The following EFNA5 variants were observed in gnomAD, a reference collection of about 807,000 sequenced individuals.
The protein encoded by EFNA5 is ephrin-A5.
EFNA5 carries 5 observed loss-of-function variants against 22.9 expected under a neutral mutation model. The ratio of observed to expected loss-of-function variants is 0.22; its 90% CI spans 0.11 to 0.46. The LOEUF is 0.46. EFNA5 is among the 20% of genes least tolerant of loss of function. The probability of loss-of-function intolerance (pLI) is 0.99; values close to 1 mark genes in which losing one functional copy is unlikely to be tolerated. For missense variants in EFNA5, 237 were observed against 293.3 expected, an observed-to-expected ratio of 0.81 and a Z score of 1.40; for synonymous variants, 113 against 112.2, an observed-to-expected ratio of 1.01 and a Z score of -0.04.
At chr5:107,530,060 G>A (rs1035073538) in intron 1 of EFNA5, among the ~76,000 whole-genome samples, 2 of 152,160 alleles carry the variant, frequency 1.3e-5, no homozygotes, top group Admixed American at 6.5e-5. Context: ...CTCTAGCTTC[G>A]TTAAGCTAGT....
chr5:107,433,745 A>T (rs576810198), intron 1 of EFNA5, among the ~76,000 whole-genome samples: 9 of 152,090 alleles, frequency 5.9e-5, no homozygotes, highest in South Asian at 4.1e-4. Context: ...ACATTTTTTT[A>T]AAAAAATTAG....
At chr5:107,454,316 C>A (rs1183876592) in intron 1 of EFNA5, among the ~76,000 whole-genome samples, 1 of 152,002 alleles carries the variant, frequency 6.6e-6, no homozygotes, top group Non-Finnish European at 1.5e-5. Flanking sequence ...AAAGCTTTTG[C>A]TACTATTTCA....
intron 2 of EFNA5, among the ~76,000 whole-genome samples, chr5:107,389,553 T>A (rs899944366): frequency 2.6e-5 from 4 of 152,228 alleles, no homozygotes; most frequent in Non-Finnish European, 2.9e-5. Context: ...ACTTTACAGA[T>A]GATACTGCTA....
intron 1 of EFNA5, among the ~76,000 whole-genome samples, chr5:107,591,975 TA>T (rs1732090343): frequency 9.3e-5 from 3 of 32,262 alleles, no homozygotes; most frequent in African/African-American, 5.2e-4. Flanking sequence ...ATAATATATA[TA>T]ATATATAATA....
At position 107,378,599 on chromosome 5, in the gene EFNA5, T is replaced by C. The variant is rs1747343073; in HGVS notation, c.*2656A>G. The C allele has an allele frequency of 6.6e-6, 1 of 152,222 alleles. No homozygotes were observed. The allele number at this position is 152,222 out of a possible 1,614,324, so 9.4% of individuals were successfully genotyped here. A position where few individuals can be genotyped will look rare whatever the true frequency, so the allele number is the denominator to read the frequency against. ...AACTCCATGGCAAGTGCATTAGCTA[T>C]GATTTCATCACTTACAGGTAGAGAA... On this transcript the variant is annotated 3_prime_UTR_variant, in exon 5 of 5. Coordinates refer to ENST00000333274, the MANE Select transcript of EFNA5 (RefSeq NM_001962.3).
chr5:107,650,882 C>T (rs1750715342), intron 1 of EFNA5, among the ~76,000 whole-genome samples: 2 of 152,124 alleles, frequency 1.3e-5, no homozygotes, highest in Non-Finnish European at 2.9e-5. Flanking sequence ...ATACACATGG[C>T]CTCACAATTA....
chr5:107,566,337 T>A (rs752200269), intron 1 of EFNA5, among the ~76,000 whole-genome samples: 1 of 149,772 alleles, frequency 6.7e-6, no homozygotes, highest in Non-Finnish European at 1.5e-5. Flanking sequence ...TTTGTGGCAT[T>A]CATGTGTCTA....
intron 1 of EFNA5, among the ~76,000 whole-genome samples, chr5:107,667,458 A>T (rs1261592156): frequency 6.6e-6 from 1 of 152,130 alleles, no homozygotes; most frequent in Non-Finnish European, 1.5e-5. Context: ...ATGAAACTCC[A>T]TGTAGAAGAT....
intron 1 of EFNA5, among the ~76,000 whole-genome samples, chr5:107,507,449 G>A (rs1460739296): frequency 6.6e-6 from 1 of 152,136 alleles, no homozygotes; most frequent in African/African-American, 2.4e-5. Flanking sequence ...AAACAATAGA[G>A]CCAATGAAAA....
intron 1 of EFNA5, among the ~76,000 whole-genome samples, chr5:107,476,073 CAG>C (rs1404725028): frequency 1.1e-4 from 4 of 36,248 alleles, no homozygotes; most frequent in African/African-American, 9.6e-4. Context: ...TTTTTTGAGA[CAG>C]AGTCTTGCTC....
intron 2 of EFNA5, among the ~76,000 whole-genome samples, chr5:107,393,123 TAAG>T (rs1263103247): frequency 6.6e-6 from 1 of 152,192 alleles, no homozygotes; most frequent in Non-Finnish European, 1.5e-5. Context: ...ACATAAATCT[TAAG>T]GAGAATGCCT....
intron 1 of EFNA5, among the ~76,000 whole-genome samples, chr5:107,577,757 C>T (rs928736634): frequency 2.0e-5 from 3 of 152,170 alleles, no homozygotes; most frequent in African/African-American, 7.2e-5. Context: ...CCTTCAATCA[C>T]GTTAGACACA....
At position 107,665,162 on chromosome 5, in the gene EFNA5, G is replaced by C. The variant is rs74415514; in HGVS notation, c.125+5327C>G. 3.1e-3 allele frequency among the ~76,000 whole-genome samples: 466 copies of C among 152,222 alleles called. 2 individuals are homozygous for C. Among genetic ancestry groups the C allele is most frequent in the African/African-American group, 0.011 (447 of 41,536 alleles). ...ACTTATCCCAAGCTAGCAAAGGCCA[G>C]AACTCCTGAAGGACTAATTGTATTC... On this transcript the variant is annotated intron_variant, in intron 1 of 4. Coordinates refer to ENST00000333274, the MANE Select transcript of EFNA5 (RefSeq NM_001962.3).
At chr5:107,563,984 C>A (rs80016431) in intron 1 of EFNA5, among the ~76,000 whole-genome samples, 2 of 152,174 alleles carry the variant, frequency 1.3e-5, no homozygotes, top group Non-Finnish European at 2.9e-5. Flanking sequence ...CTCCTTGGGA[C>A]TACTATTTGC....
At chr5:107,479,680 A>G (rs1049991542) in intron 1 of EFNA5, among the ~76,000 whole-genome samples, 2 of 152,280 alleles carry the variant, frequency 1.3e-5, no homozygotes, top group South Asian at 2.1e-4. Flanking sequence ...GCAAATTCCA[A>G]TTAAAACAAA....
chr5:107,652,607 T>C (rs1038302811), intron 1 of EFNA5, among the ~76,000 whole-genome samples: 3 of 152,230 alleles, frequency 2.0e-5, no homozygotes, highest in African/African-American at 7.2e-5. Context: ...TTTAAAAGCA[T>C]GCTTACAATA....
At chr5:107,422,857 T>A (rs34366978) in intron 2 of EFNA5, among the ~76,000 whole-genome samples, 33,458 of 152,026 alleles carry the variant, frequency 0.22, 3,850 homozygotes, top group South Asian at 0.35. Context: ...CTTGCTGCAC[T>A]GGTAGAGACC....
rs1398355070 is a variant in EFNA5 at position 107,380,229 on chromosome 5, C to G, written c.*1026G>C. 1.3e-5 allele frequency: 2 copies of G among 152,010 alleles called. No homozygotes were observed. Among genetic ancestry groups the G allele is most frequent in the African/African-American group, 4.8e-5 (2 of 41,310 alleles). 9.4% of individuals were successfully genotyped at this position (152,010 alleles called of 1,614,324 possible). On this transcript the variant is annotated 3_prime_UTR_variant, in exon 5 of 5. Transcript: ENST00000333274. ...GCGCTCCAGCAAAGCCAAATCATGTCTCCTCTGGCCACTGCGGTCCTCTCC... is the reference window on the plus strand; with the variant it reads ...GCGCTCCAGCAAAGCCAAATCATGTGTCCTCTGGCCACTGCGGTCCTCTCC...
At position 107,380,697 on chromosome 5, in the gene EFNA5, A is replaced by G; in HGVS notation, c.*558T>C. Reference sequence around the variant, plus strand: ...ACCTTTTAGAAGCCTGTTCATTTACATACTCCTATAGGAAATGGTGTAATA... The same window carrying G: ...ACCTTTTAGAAGCCTGTTCATTTACGTACTCCTATAGGAAATGGTGTAATA... On this transcript the variant is annotated 3_prime_UTR_variant, in exon 5 of 5. Transcript: ENST00000333274. 2 of 398,116 alleles carry G rather than the reference A, an allele frequency of 5.0e-6. No homozygotes were observed. Among genetic ancestry groups the G allele is most frequent in the Non-Finnish European group, 8.9e-6 (2 of 225,912 alleles). 24.7% of individuals were successfully genotyped at this position (398,116 alleles called of 1,614,324 possible). A position where few individuals can be genotyped will look rare whatever the true frequency, so the allele number is the denominator to read the frequency against.
Sources: gnomAD v4.1 joint callset for allele counts (sites outside exome capture counted in the v4.1 genomes callset) on GRCh38, gnomAD v4.1.1 for gene constraint, MANE v1.5 for transcripts, NCBI Gene and HGNC (gene_info 2026-07-23, HGNC 2026-07-21) for gene names.